RPL4: variants seen among roughly 807,000 people sequenced by gnomAD.
RPL4 encodes large ribosomal subunit protein uL4.
Under a neutral mutation model 47.7 loss-of-function variants are expected in RPL4, and 3 were observed. The observed-to-expected ratio is 0.06, with a 90% CI of 0.03 to 0.16. The LOEUF is 0.16. RPL4 is among the 10% of genes least tolerant of loss of function. The pLI, the probability that RPL4 is intolerant of heterozygous loss-of-function variation, is 1.00. For synonymous variants in RPL4, 208 were observed against 182.1 expected, an observed-to-expected ratio of 1.14 and a Z score of -1.15; for missense variants, 413 against 551.3, an observed-to-expected ratio of 0.75 and a Z score of 2.51.
rs1183266238 is a variant in RPL4 at position 66,498,567 on chromosome 15, A to G, written c.*840T>C. On this transcript the variant is annotated 3_prime_UTR_variant, in exon 10 of 10. Transcript: ENST00000307961. ...CTTCTTTTGAACACAGTTGGTTAAC[A>G]TAATCACCAAGACACACAGGCAGTC... 1.3e-5 allele frequency: 2 copies of G among 152,244 alleles called. No individual in the cohort carries two copies. The highest frequency in any genetic ancestry group is 2.9e-5 in the Non-Finnish European group (2 of 68,050). 9.4% of individuals were successfully genotyped at this position (152,244 alleles called of 1,614,324 possible). A position where few individuals can be genotyped will look rare whatever the true frequency, so the allele number is the denominator to read the frequency against.
chr15:66,502,208 A>T, intron 4 of RPL4: 1 of 464,216 alleles, frequency 2.2e-6, no homozygotes, highest in South Asian at 2.1e-5. Flanking sequence ...TCCCTGATTG[A>T]TTTGTCAGAT....
chr15:66,499,708 T>G, intron 9 of RPL4, 56 bp from the exon 10 acceptor site: 1 of 1,598,176 alleles, frequency 6.3e-7, no homozygotes, highest in Middle Eastern at 1.7e-4. Flanking sequence ...GAACTTAATG[T>G]ATCAGGAAGA....
rs527378481 is a variant in RPL4 at position 66,498,685 on chromosome 15, C to G, written c.*722G>C. 8 of 152,482 alleles carry G rather than the reference C, an allele frequency of 5.2e-5. No homozygotes were observed. The highest frequency in any genetic ancestry group is 5.2e-4 in the Admixed American group (8 of 15,302). The allele number at this position is 152,482 out of a possible 1,614,324, so 9.4% of individuals were successfully genotyped here. On this transcript the variant is annotated 3_prime_UTR_variant, in exon 10 of 10. Transcript: ENST00000307961. ...AATCTTGGCTCATTGCAACCTCCAC[C>G]TCCCAGGTTCAAGTGATTCTCTTGC... is the stretch of plus-strand genomic sequence containing the variant.
At chr15:66,502,034 C>A (rs1567034891) in intron 4 of RPL4, 122 bp from the exon 5 acceptor site, 7 of 1,257,358 alleles carry the variant, frequency 5.6e-6, no homozygotes, top group Non-Finnish European at 8.1e-6. Context: ...TCAGAATTTC[C>A]ACAAATATCA....
chr15:66,501,719 C>A (rs911316084), intron 5 of RPL4, 69 bp downstream of exon 5: 2 of 1,586,014 alleles, frequency 1.3e-6, no homozygotes, highest in Non-Finnish European at 1.7e-6. Context: ...CTGCCCTTAT[C>A]TTCTGAAATT....
rs772953513 is a variant in RPL4 at position 66,502,704 on chromosome 15, C to T, written c.329G>A (p.Arg110His). 10 of 1,613,928 alleles carry T rather than the reference C, an allele frequency of 6.2e-6. No individual in the cohort carries two copies. Among genetic ancestry groups the T allele is most frequent in the Admixed American group, 3.3e-5 (2 of 59,992 alleles). The part of the protein sequence containing the change: ...RMFAPTKTWR[R>H]WHRRVNTTQK... ...GGTTGTGTTCACTCTACGATGCCAA[C>T]GGCGCCAGGTTTTGGTTGGTGCAAA... The change falls in exon 4 of 10, where the codon CGT (arginine) becomes CAT (histidine). Residue 110 changes from arginine (R) to histidine (H), a missense_variant. Coordinates refer to ENST00000307961, the MANE Select transcript of RPL4 (RefSeq NM_000968.4).
chr15:66,502,943 CTCT>C, intron 3 of RPL4, 112 bp downstream of exon 3: 1 of 1,301,436 alleles, frequency 7.7e-7, no homozygotes, highest in Non-Finnish European at 1.1e-6. Flanking sequence ...GAAGCCCCTT[CTCT>C]TCAAGACAAA....
At position 66,499,264 on chromosome 15, in the gene RPL4, C is replaced by T. The variant is rs75478296; in HGVS notation, c.*143G>A. 2.8e-6 allele frequency: 3 copies of T among 1,054,558 alleles called. No individual in the cohort carries two copies. The highest frequency in any genetic ancestry group is 1.6e-5 in the African/African-American group (1 of 62,630). The allele number at this position is 1,054,558 out of a possible 1,614,324, so 65.3% of individuals were successfully genotyped here. On this transcript the variant is annotated 3_prime_UTR_variant, in exon 10 of 10. Transcript: ENST00000307961. Reference sequence around the variant, plus strand: ...ATGTAACAGTCTAAATTATGGCCAACAAAATGTCACTTTAAAAAAATTCTA... The same window carrying T: ...ATGTAACAGTCTAAATTATGGCCAATAAAATGTCACTTTAAAAAAATTCTA...
chr15:66,500,270 T>C, intron 8 of RPL4, 23 bp downstream of exon 8: 1 of 1,613,946 alleles, frequency 6.2e-7, no homozygotes, highest in Non-Finnish European at 8.5e-7. Context: ...GGGGCGAGAA[T>C]TACACTCTAA....
intron 7 of RPL4, chr15:66,500,622 C>A: frequency 1.8e-6 from 1 of 547,898 alleles, no homozygotes; most frequent in Non-Finnish European, 3.2e-6. Context: ...GGTAAAACCC[C>A]AACTCTACAA....
chr15:66,502,078 T>A (rs1383158087), intron 4 of RPL4, 166 bp from the exon 5 acceptor site: 1 of 927,994 alleles, frequency 1.1e-6, no homozygotes, highest in Non-Finnish European at 1.7e-6. Flanking sequence ...TTAAGTGGAA[T>A]CTCATCATTT....
chr15:66,503,030 C>T (rs749372837), intron 3 of RPL4, 28 bp downstream of exon 3: 16 of 1,582,244 alleles, frequency 1.0e-5, no homozygotes, highest in Non-Finnish European at 9.5e-6. Flanking sequence ...CAGAGATGAC[C>T]AGTCTTAGGT....
chr15:66,502,573 T>C, intron 4 of RPL4, 39 bp downstream of exon 4: 1 of 1,596,324 alleles, frequency 6.3e-7, no homozygotes, highest in Non-Finnish European at 8.5e-7. Flanking sequence ...AGGTGTCTTA[T>C]TTCTTCTATC....
Position 66,500,196 on chromosome 15 carries a change from G to C in RPL4, c.918-20C>G. Reference sequence around the variant, plus strand: ...TTCTTGCTATAAAAAAGCAGATACTGTATCAACATTTTACTTAACATTATA... The same window carrying C: ...TTCTTGCTATAAAAAAGCAGATACTCTATCAACATTTTACTTAACATTATA... On this transcript the variant is annotated intron_variant, in intron 8 of 9. Coordinates refer to ENST00000307961, the MANE Select transcript of RPL4 (RefSeq NM_000968.4). 4 of 1,613,776 alleles carry C rather than the reference G, an allele frequency of 2.5e-6. No individual in the cohort carries two copies. The highest frequency in any genetic ancestry group is 2.5e-6 in the Non-Finnish European group (3 of 1,179,932).
At chr15:66,501,936 C>G in intron 4 of RPL4, 24 bp from the exon 5 acceptor site, 2 of 1,593,576 alleles carry the variant, frequency 1.3e-6, no homozygotes, top group Non-Finnish European at 1.7e-6. Context: ...ATGACACTTA[C>G]TTGGTTATCC....
Position 66,499,408 on chromosome 15 carries a change from T to C in RPL4, c.1283A>G (p.Ter428=), listed in dbSNP as rs774927964. The C allele has an allele frequency of 2.5e-5, 40 of 1,601,038 alleles. No homozygotes were observed. The highest frequency in any genetic ancestry group is 3.4e-5 in the Non-Finnish European group (40 of 1,177,182). ...TATGGAATAATCAAATTTAAGAGTT[T>C]ATGCAGCAGGCTTCTTCTCCTCTGT... is the stretch of plus-strand genomic sequence containing the variant. ...PTTEEKKPAA[*] Residue 428 remains the stop codon, a stop_retained_variant, in exon 10 of 10, where the codon TAA becomes TGA. Coordinates refer to ENST00000307961, the MANE Select transcript of RPL4 (RefSeq NM_000968.4).
At chr15:66,502,076 A>C (rs748979257) in intron 4 of RPL4, 164 bp from the exon 5 acceptor site, 5 of 931,566 alleles carry the variant, frequency 5.4e-6, no homozygotes, top group Admixed American at 3.4e-5. Flanking sequence ...AATTAAGTGG[A>C]ATCTCATCAT....
Position 66,499,508 on chromosome 15 carries a change from G to A in RPL4, c.1183C>T (p.Pro395Ser). The A allele has an allele frequency of 6.2e-7, 1 of 1,612,154 alleles. No individual in the cohort carries two copies. The highest frequency in any genetic ancestry group is 8.5e-7 in the Non-Finnish European group (1 of 1,179,838). ...AAVGVKKQKK[P>S]LVGKKAAATK... ...GCTGCTGCCTTTTTTCCCACCAGAGGCTTCTTCTGCTTCTTAACACCAACA... is the reference window on the plus strand; with the variant it reads ...GCTGCTGCCTTTTTTCCCACCAGAGACTTCTTCTGCTTCTTAACACCAACA... The change falls in exon 10 of 10, where the codon CCT (proline) becomes TCT (serine). Residue 395 changes from proline to serine, a missense_variant. Physicochemically the swap from Pro to Ser is moderately conservative, Grantham distance 74 (BLOSUM62 -1). Coordinates refer to ENST00000307961, the MANE Select transcript of RPL4 (RefSeq NM_000968.4).
At chr15:66,503,602 T>A (rs1595897055) in intron 1 of RPL4, 73 bp from the exon 2 acceptor site, 1 of 1,413,954 alleles carries the variant, frequency 7.1e-7, no homozygotes, top group Admixed American at 2.5e-5. Flanking sequence ...ACGCCAACAA[T>A]ACCATTAAAT....
Sources: allele counts gnomAD v4.1 joint callset, GRCh38; gene constraint gnomAD v4.1.1; transcripts MANE v1.5; gene names NCBI Gene and HGNC (gene_info 2026-07-23, HGNC 2026-07-21).